RECQL: variants seen among roughly 807,000 people sequenced by gnomAD.
RECQL encodes ATP-dependent DNA helicase Q1.
In RECQL, 73 loss-of-function variants were observed where a neutral mutation model predicts 75.8. The observed-to-expected ratio is 0.96, with a 90% CI of 0.80 to 1.17. RECQL has a LOEUF of 1.17. Ranked by LOEUF, RECQL falls within the 50% of genes most tolerant of loss-of-function variation. The pLI is 0.00. For missense variants in RECQL, 699 were observed against 772.1 expected, an observed-to-expected ratio of 0.91 and a Z score of 1.12; for synonymous variants, 248 against 254.4, an observed-to-expected ratio of 0.97 and a Z score of 0.24.
chr12:21,487,363 C>T (rs898442983), intron 4 of RECQL, among the ~76,000 whole-genome samples: 2 of 152,002 alleles, frequency 1.3e-5, no homozygotes, highest in South Asian at 2.1e-4. Context: ...ACTTTTTGTA[C>T]GAGATTCATT....
At chr12:21,490,139 T>C in intron 4 of RECQL, 60 bp downstream of exon 4, 1 of 923,478 alleles carries the variant, frequency 1.1e-6, no homozygotes, top group Non-Finnish European at 1.6e-6. Context: ...TTTAAAAGAA[T>C]TAAAAAGGTA....
chr12:21,488,352 G>A (rs963762405), intron 4 of RECQL, among the ~76,000 whole-genome samples: 2 of 151,926 alleles, frequency 1.3e-5, no homozygotes, highest in African/African-American at 4.8e-5. Context: ...CTTTTTCTCT[G>A]TTTATCCCTA....
At chr12:21,500,925 T>A (rs1416942356) in intron 1 of RECQL, among the ~76,000 whole-genome samples, 3 of 152,266 alleles carry the variant, frequency 2.0e-5, no homozygotes, top group Middle Eastern at 6.8e-3. Flanking sequence ...ACATAAAATG[T>A]ATCCAGAAAT....
chr12:21,472,107 A>G (rs777068020), intron 12 of RECQL, among the ~76,000 whole-genome samples: 1 of 152,126 alleles, frequency 6.6e-6, no homozygotes, highest in East Asian at 1.9e-4. Flanking sequence ...TTTATAAGAT[A>G]GTCTAATAAA....
intron 5 of RECQL, among the ~76,000 whole-genome samples, chr12:21,484,182 T>C (rs1291445200): frequency 1.3e-5 from 2 of 152,090 alleles, no homozygotes; most frequent in African/African-American, 4.8e-5. Flanking sequence ...GCATATTAGA[T>C]GTCATTTTTT....
intron 4 of RECQL, among the ~76,000 whole-genome samples, chr12:21,487,755 CA>C (rs1943333165): frequency 6.6e-6 from 1 of 152,134 alleles, no homozygotes. Context: ...GCTCTGCTTT[CA>C]TAAGTGGGAT....
intron 6 of RECQL, 53 bp from the exon 7 acceptor site, chr12:21,478,022 A>G: frequency 6.6e-7 from 1 of 1,513,114 alleles, no homozygotes; most frequent in African/African-American, 1.4e-5. Flanking sequence ...GTTAGAGTAA[A>G]TTATATCTTT....
rs778055010 is a variant in RECQL at position 21,486,587 on chromosome 12, T to G, written c.395-2A>C. ...ATGGGCAAATGACGAGTGTAAAACC[T>G]AAAAGAGAAAAAAAAAAAAATCTAC... On this transcript the variant is annotated splice_acceptor_variant, in intron 4 of 14. Transcript: ENST00000444129. LOFTEE classifies it high-confidence loss of function. The G allele has an allele frequency of 3.1e-6, 4 of 1,272,818 alleles. No individual in the cohort carries two copies. The African/African-American group carries it at 8.3e-5, about 26-fold the overall frequency. The allele number at this position is 1,272,818 out of a possible 1,614,324, so 78.8% of individuals were successfully genotyped here.
chr12:21,491,415 A>G, intron 3 of RECQL, 104 bp downstream of exon 3: 1 of 1,119,222 alleles, frequency 8.9e-7, no homozygotes, highest in Non-Finnish European at 1.2e-6. Flanking sequence ...GGCCAGTTTC[A>G]CCTCTAAGCC....
chr12:21,500,309 T>TA (rs1943585043), intron 1 of RECQL, among the ~76,000 whole-genome samples: 1 of 152,178 alleles, frequency 6.6e-6, no homozygotes, highest in Non-Finnish European at 1.5e-5. Context: ...GACTAAAACC[T>TA]AAGCATGCAT....
At chr12:21,486,622 T>C (rs997765265) in intron 4 of RECQL, 37 bp from the exon 5 acceptor site, 1 of 1,105,192 alleles carries the variant, frequency 9.0e-7, no homozygotes, top group Non-Finnish European at 1.3e-6. Context: ...CCTTAAACTT[T>C]ACACCACCCT....
intron 8 of RECQL, among the ~76,000 whole-genome samples, chr12:21,476,465 A>G (rs1180040896): frequency 6.6e-6 from 1 of 152,096 alleles, no homozygotes; most frequent in Non-Finnish European, 1.5e-5. Flanking sequence ...CCATGTATAT[A>G]TACTCACAAC....
intron 2 of RECQL, 25 bp downstream of exon 2, chr12:21,499,530 A>G: frequency 6.4e-7 from 1 of 1,566,610 alleles, no homozygotes; most frequent in Non-Finnish European, 8.7e-7. Context: ...AGAAGGAAGA[A>G]GAAAATGTAA....
intron 4 of RECQL, 58 bp from the exon 5 acceptor site, chr12:21,486,643 T>G (rs1298064998): frequency 5.9e-6 from 3 of 508,332 alleles, no homozygotes; most frequent in East Asian, 5.0e-5. Context: ...CAGAATCAGA[T>G]GCAAACCATT....
intron 2 of RECQL, among the ~76,000 whole-genome samples, chr12:21,498,998 T>C (rs767704207): frequency 4.6e-5 from 7 of 152,160 alleles, no homozygotes; most frequent in Non-Finnish European, 7.4e-5. Flanking sequence ...AAGGAGGACA[T>C]GATTCAGCAA....
At chr12:21,470,453 T>G (rs1942919626) in intron 14 of RECQL, 107 bp from the exon 15 acceptor site, 1 of 1,227,770 alleles carries the variant, frequency 8.1e-7, no homozygotes, top group African/African-American at 1.5e-5. Flanking sequence ...ATCAGTTGGC[T>G]TTTTAAGTAT....
chr12:21,476,231 G>A, intron 8 of RECQL, among the ~76,000 whole-genome samples: 1 of 151,984 alleles, frequency 6.6e-6, no homozygotes, highest in East Asian at 1.9e-4. Flanking sequence ...AGTTAAATGG[G>A]TGTCTCTCTT....
intron 4 of RECQL, among the ~76,000 whole-genome samples, chr12:21,487,045 A>G (rs1943318752): frequency 6.6e-6 from 1 of 152,186 alleles, no homozygotes; most frequent in Admixed American, 6.5e-5. Context: ...AGTAAAGCTT[A>G]CTTCTTACTC....
intron 2 of RECQL, among the ~76,000 whole-genome samples, chr12:21,494,760 G>A (rs1321849586): frequency 1.3e-5 from 2 of 152,212 alleles, no homozygotes; most frequent in Non-Finnish European, 2.9e-5. Context: ...ATACAGTCAT[G>A]AGCAGAGCGC....
Sources: allele counts gnomAD v4.1 joint callset (sites outside exome capture counted in the v4.1 genomes callset), GRCh38; gene constraint gnomAD v4.1.1; transcripts MANE v1.5; gene names NCBI Gene and HGNC (gene_info 2026-07-23, HGNC 2026-07-21).